Variants in RAB11FIP5 observed in about 807,000 individuals in gnomAD.
The protein encoded by RAB11FIP5 is rab11 family-interacting protein 5.
RAB11FIP5 carries 48 observed loss-of-function variants against 85.1 expected under a neutral mutation model. The observed-to-expected ratio is 0.56, with a 90% CI of 0.45 to 0.72. The LOEUF is 0.72. RAB11FIP5 is among the 30% of genes least tolerant of loss of function. The probability of loss-of-function intolerance (pLI) is 0.00; values close to 1 mark genes in which losing one functional copy is unlikely to be tolerated. For missense variants in RAB11FIP5, 1,491 were observed against 1,687.0 expected (o/e 0.88, Z 2.04); for synonymous variants, 729 against 727.3 (o/e 1.00, Z -0.04).
rs1684125530 is a variant in RAB11FIP5 at position 73,088,139 on chromosome 2, G to A, written c.1479C>T (p.Ala493=). The A allele has an allele frequency of 1.2e-6, 2 of 1,613,998 alleles. No homozygotes were observed. Among genetic ancestry groups the A allele is most frequent in the South Asian group, 2.2e-5 (2 of 91,088 alleles). ...CCCCACTGGATGAGTGATGTGGGGA[G>A]GCCCCCAGGATGGGACCCCCCTTTT... The part of the protein sequence containing the change: ...LGEKGGPILG[A]SPHHSSSGEE... The change falls in exon 3 of 6, where the codon GCC becomes GCT. Residue 493 remains alanine, a synonymous_variant. Transcript: ENST00000486777.
chr2:73,109,579 G>A (rs1684601355), intron 1 of RAB11FIP5, among the ~76,000 whole-genome samples: 1 of 152,178 alleles, frequency 6.6e-6, no homozygotes, highest in South Asian at 2.1e-4. Flanking sequence ...AACAGGGCAG[G>A]GGCAGCTCCA....
chr2:73,112,480 C>T lies in RAB11FIP5; in HGVS notation c.298G>A (p.Ala100Thr), dbSNP rs755516171. Residue 100 changes from alanine to threonine, a missense_variant, in exon 1 of 6, where the codon GCG becomes ACG. Transcript: ENST00000486777. The part of the protein sequence containing the change: ...EADAGPAPWA[A>T]SSAAACELVL... ...AGCTCGCAGGCGGCGGCGGAGCTCGCGGCCCAGGGCGCCGGGCCCGCGTCG... is the reference window on the plus strand; with the variant it reads ...AGCTCGCAGGCGGCGGCGGAGCTCGTGGCCCAGGGCGCCGGGCCCGCGTCG... The T allele has an allele frequency of 1.7e-5, 25 of 1,468,120 alleles. No homozygotes were observed. Among genetic ancestry groups the T allele is most frequent in the Middle Eastern group, 1.8e-4 (1 of 5,560 alleles). 90.9% of individuals were successfully genotyped at this position (1,468,120 alleles called of 1,614,324 possible).
intron 1 of RAB11FIP5, among the ~76,000 whole-genome samples, chr2:73,108,082 C>T (rs1413347450): frequency 6.6e-6 from 1 of 152,246 alleles, no homozygotes; most frequent in African/African-American, 2.4e-5. Context: ...AACACCATGA[C>T]CAGCCAGGCA....
At chr2:73,085,849 C>T (rs977538616) in intron 3 of RAB11FIP5, among the ~76,000 whole-genome samples, 1 of 152,184 alleles carries the variant, frequency 6.6e-6, no homozygotes, top group Admixed American at 6.5e-5. Context: ...GAACATCCCA[C>T]AATCTGCAAT....
intron 1 of RAB11FIP5, among the ~76,000 whole-genome samples, chr2:73,108,076 C>A (rs1357561027): frequency 1.3e-5 from 2 of 152,350 alleles, no homozygotes; most frequent in East Asian, 3.9e-4. Context: ...TCTCAGAACA[C>A]CATGACCAGC....
chr2:73,100,634 C>T (rs1178389153), intron 1 of RAB11FIP5, among the ~76,000 whole-genome samples: 1 of 152,016 alleles, frequency 6.6e-6, no homozygotes, highest in African/African-American at 2.4e-5. Flanking sequence ...CCATGTTGGC[C>T]AGGCTGGTCT....
chr2:73,073,533 A>C lies in RAB11FIP5; in HGVS notation c.*1988T>G, dbSNP rs1046139. On this transcript the variant is annotated 3_prime_UTR_variant, in exon 6 of 6. Transcript: ENST00000486777. ...CTGCAACTTTCCTCCAAGTGTGGCT[A>C]GGAGAAGAAACATCAACAAGGACCC... The C allele has an allele frequency of 0.22, 34,305 of 152,504 alleles. 4,772 individuals are homozygous for C. Among genetic ancestry groups the C allele is most frequent in the Non-Finnish European group, 0.32 (21,566 of 67,988 alleles). 9.4% of individuals were successfully genotyped at this position (152,504 alleles called of 1,614,324 possible). A position where few individuals can be genotyped will look rare whatever the true frequency, so the allele number is the denominator to read the frequency against.
intron 1 of RAB11FIP5, among the ~76,000 whole-genome samples, chr2:73,108,833 C>G (rs1684581797): frequency 6.6e-6 from 1 of 152,140 alleles, no homozygotes; most frequent in Admixed American, 6.5e-5. Context: ...CACCTGAGGT[C>G]AGGAGTTTGA....
rs1317995541 is a variant in RAB11FIP5 at position 73,107,903 on chromosome 2, G to A, written c.431+4444C>T. ...CACACCCAGAAGCCAACAGAGAGAA[G>A]GCTGTGGGGTCACGCACCATCTGCC... On this transcript the variant is annotated intron_variant, in intron 1 of 5. Coordinates refer to ENST00000486777, the MANE Select transcript of RAB11FIP5 (RefSeq NM_001371272.1). 2.0e-5 allele frequency among the ~76,000 whole-genome samples: 3 copies of A among 152,200 alleles called. No homozygotes were observed. In the East Asian group the frequency reaches 5.8e-4, roughly 29 times the overall value.
At chr2:73,112,229 G>T in intron 1 of RAB11FIP5, 118 bp downstream of exon 1, 1 of 1,171,792 alleles carries the variant, frequency 8.5e-7, no homozygotes, top group Non-Finnish European at 1.1e-6. Context: ...GTCGGTTTAC[G>T]CCCTTAAGCA....
In RAB11FIP5 at chr2:73,080,689, G is replaced by C; in HGVS notation, c.2543C>G (p.Ser848Ter). 8.1e-7 allele frequency: 1 copy of C among 1,232,548 alleles called. No individual in the cohort carries two copies. Among genetic ancestry groups the C allele is most frequent in the Non-Finnish European group, 1.0e-6 (1 of 988,094 alleles). The allele number at this position is 1,232,548 out of a possible 1,614,324, so 76.4% of individuals were successfully genotyped here. The change falls in exon 4 of 6, where the codon TCA becomes TGA. Residue 848 changes from serine (S) to a stop codon, truncating the protein, a stop_gained. Coordinates refer to ENST00000486777, the MANE Select transcript of RAB11FIP5 (RefSeq NM_001371272.1). LOFTEE classifies it high-confidence loss of function. Reference sequence around the variant, plus strand: ...ATCAGACTCTCCCCGAAAGACTAGTGAGGCTGTCTCAGCTGCAGGAGAAAT... The same window carrying C: ...ATCAGACTCTCCCCGAAAGACTAGTCAGGCTGTCTCAGCTGCAGGAGAAAT... ...VTISPAAETASLVFRGESDEP... is the reference protein window; with the variant it reads ...VTISPAAETA
intron 1 of RAB11FIP5, among the ~76,000 whole-genome samples, chr2:73,090,932 A>C (rs1040855970): frequency 1.3e-5 from 2 of 152,220 alleles, no homozygotes; most frequent in African/African-American, 4.8e-5. Context: ...AATACAACAA[A>C]CATGCCACAC....
intron 3 of RAB11FIP5, among the ~76,000 whole-genome samples, chr2:73,083,216 G>A (rs1395999011): frequency 6.6e-6 from 1 of 152,222 alleles, no homozygotes; most frequent in Non-Finnish European, 1.5e-5. Context: ...GCTGTCTGGA[G>A]CTTGCCCGGA....
At position 73,089,426 on chromosome 2, in the gene RAB11FIP5, C is replaced by G; in HGVS notation, c.432-111G>C. 2 of 1,121,168 alleles carry G rather than the reference C, an allele frequency of 1.8e-6. No individual in the cohort carries two copies. The highest frequency in any genetic ancestry group is 2.3e-5 in the East Asian group (1 of 42,668). The allele number at this position is 1,121,168 out of a possible 1,614,324, so 69.5% of individuals were successfully genotyped here. On this transcript the variant is annotated intron_variant, in intron 1 of 5. Coordinates refer to ENST00000486777, the MANE Select transcript of RAB11FIP5 (RefSeq NM_001371272.1). This position sits in a 1 kb window ranked among gnomAD's most constrained non-coding sequence, Gnocchi z 4.6. ...TCCTTGCTCTGAGAGCCACTGATAG[C>G]CTCTCCCCAAAGGCTCCTGCTCTGA...
At chr2:73,079,524 G>C in intron 4 of RAB11FIP5, 127 bp downstream of exon 4, 1 of 1,147,836 alleles carries the variant, frequency 8.7e-7, no homozygotes, top group Non-Finnish European at 1.1e-6. Context: ...TTGCCTCTGG[G>C]GTAAAAGAGA....
chr2:73,084,117 C>T (rs1479877252), intron 3 of RAB11FIP5: 1 of 152,204 alleles, frequency 6.6e-6, no homozygotes, highest in Non-Finnish European at 1.5e-5. Flanking sequence ...TACACACAAA[C>T]CTGTTTGTAT....
chr2:73,089,910 CA>C lies in RAB11FIP5; in HGVS notation c.432-596del, dbSNP rs1684176698. On this transcript the variant is annotated intron_variant, in intron 1 of 5. Coordinates refer to ENST00000486777, the MANE Select transcript of RAB11FIP5 (RefSeq NM_001371272.1). The surrounding 1 kb of genome is among the most constrained non-coding windows in gnomAD (Gnocchi z 4.6). ...ACACACACACACACACACACACACA[CA>C]CACACCTCACTCACACACTGACTCA... 1.4e-5 allele frequency among the ~76,000 whole-genome samples: 2 copies of C among 139,652 alleles called. No homozygotes were observed. Among genetic ancestry groups the C allele is most frequent in the Non-Finnish European group, 1.5e-5 (1 of 65,500 alleles). The allele number at this position is 139,652 out of a possible 152,430, so 91.6% of individuals were successfully genotyped here. A position where few individuals can be genotyped will look rare whatever the true frequency, so the allele number is the denominator to read the frequency against.
At chr2:73,083,186 CA>C (rs1559233577) in intron 3 of RAB11FIP5, among the ~76,000 whole-genome samples, 1 of 152,228 alleles carries the variant, frequency 6.6e-6, no homozygotes, top group Non-Finnish European at 1.5e-5. Context: ...GTAGGAAGGG[CA>C]CCTGTGGAAA....
rs913752228 is a variant in RAB11FIP5 at position 73,092,291 on chromosome 2, G to A, written c.432-2976C>T. Among the ~76,000 whole-genome samples, 5 of 152,200 alleles carry A rather than the reference G, an allele frequency of 3.3e-5. No individual in the cohort carries two copies. In the South Asian group the frequency reaches 6.2e-4, roughly 19 times the overall value. The stretch of plus-strand genomic sequence containing the variant: ...TCAGCAAGCACAGCCAGCCTTTGCT[G>A]GGGCAGACAGGTCAGGGGCCCTCAG... On this transcript the variant is annotated intron_variant, in intron 1 of 5. Transcript: ENST00000486777.
Sources: allele counts gnomAD v4.1 joint callset (sites outside exome capture counted in the v4.1 genomes callset), GRCh38; gene constraint gnomAD v4.1.1; non-coding constraint Gnocchi (gnomAD v3.1); transcripts MANE v1.5; gene names NCBI Gene and HGNC (gene_info 2026-07-23, HGNC 2026-07-21).